STX8: variants seen among roughly 807,000 people sequenced by gnomAD.
The protein encoded by STX8 is syntaxin 8.
STX8 carries 23 observed loss-of-function variants against 37.5 expected under a neutral mutation model. The ratio of observed to expected loss-of-function variants is 0.61; its 90% confidence interval spans 0.44 to 0.87. The LOEUF is 0.87. STX8 is among the 40% of genes least tolerant of loss of function. STX8 has a pLI of 0.00. For synonymous variants in STX8, 115 were observed against 99.1 expected, an observed-to-expected ratio of 1.16 and a Z score of -0.95; for missense variants, 313 against 284.7, an observed-to-expected ratio of 1.10 and a Z score of -0.71.
intron 7 of STX8, among the ~76,000 whole-genome samples, chr17:9,279,715 CCAA>C (rs55722710): frequency 0.18 from 26,910 of 152,116 alleles, 2,822 homozygotes; most frequent in Middle Eastern, 0.27. Context: ...CCTCATGCTG[CCAA>C]CAACAACCCT....
intron 7 of STX8, among the ~76,000 whole-genome samples, chr17:9,289,574 A>G (rs1182821127): frequency 2.0e-5 from 3 of 151,862 alleles, no homozygotes. Context: ...CAAAGGGGAA[A>G]ATCCATCCTG....
At chr17:9,574,800 C>G (rs367800826) in intron 1 of STX8, among the ~76,000 whole-genome samples, 1 of 152,308 alleles carries the variant, frequency 6.6e-6, no homozygotes, top group East Asian at 1.9e-4. Context: ...TCCCAAAGTA[C>G]TGGGATTACA....
chr17:9,479,488 C>G (rs1277005171), intron 6 of STX8, among the ~76,000 whole-genome samples: 2 of 150,934 alleles, frequency 1.3e-5, no homozygotes, highest in Non-Finnish European at 2.9e-5. Flanking sequence ...GAGCTGAGAT[C>G]GTGCCACTGC....
chr17:9,489,876 G>C (rs1324971858), intron 6 of STX8, among the ~76,000 whole-genome samples: 2 of 151,984 alleles, frequency 1.3e-5, no homozygotes, highest in Non-Finnish European at 2.9e-5. Flanking sequence ...CTTTAGTAGA[G>C]ACAGGGTTTC....
chr17:9,315,799 C>T (rs1449181444), intron 7 of STX8, among the ~76,000 whole-genome samples: 1 of 152,052 alleles, frequency 6.6e-6, no homozygotes, highest in Admixed American at 6.6e-5. Flanking sequence ...ACTGCCTGAG[C>T]TCAGGAGTTT....
intron 6 of STX8, among the ~76,000 whole-genome samples, chr17:9,472,621 GGCTT>G (rs1905917885): frequency 6.6e-6 from 1 of 152,176 alleles, no homozygotes. Context: ...CTCTCTTTTT[GGCTT>G]GCTTTTTTGA....
At chr17:9,498,007 A>C (rs1261261489) in intron 5 of STX8, among the ~76,000 whole-genome samples, 1 of 152,246 alleles carries the variant, frequency 6.6e-6, no homozygotes, top group Non-Finnish European at 1.5e-5. Flanking sequence ...TGTGTTGTCC[A>C]GTGCCCACAG....
At chr17:9,519,508 G>A (rs1905263908) in intron 4 of STX8, among the ~76,000 whole-genome samples, 4 of 151,998 alleles carry the variant, frequency 2.6e-5, no homozygotes, top group Admixed American at 2.6e-4. Context: ...TGTACAACAT[G>A]GTTACAGCCT....
chr17:9,491,808 C>T (rs376749085), intron 6 of STX8, 21 bp downstream of exon 6: 6 of 1,592,860 alleles, frequency 3.8e-6, no homozygotes, highest in Non-Finnish European at 5.1e-6. Context: ...CAAATCTGGT[C>T]AATCCCAGAC....
At chr17:9,525,383 G>A (rs1330365177) in intron 4 of STX8, among the ~76,000 whole-genome samples, 4 of 148,092 alleles carry the variant, frequency 2.7e-5, no homozygotes, top group African/African-American at 5.0e-5. Flanking sequence ...GTCTCACTCC[G>A]TTGCCCAGGC....
chr17:9,443,535 C>T (rs1347913696), intron 6 of STX8, among the ~76,000 whole-genome samples: 7 of 152,128 alleles, frequency 4.6e-5, no homozygotes, highest in South Asian at 2.1e-4. Context: ...AGGGCTCCCC[C>T]GAGCCACAGA....
chr17:9,368,886 C>G (rs1448360567), intron 7 of STX8, among the ~76,000 whole-genome samples: 4 of 151,776 alleles, frequency 2.6e-5, no homozygotes, highest in Non-Finnish European at 5.9e-5. Context: ...TGTGTCCCCT[C>G]TCTCCTATAC....
intron 3 of STX8, among the ~76,000 whole-genome samples, chr17:9,552,427 A>C (rs1480166517): frequency 6.6e-6 from 1 of 152,198 alleles, no homozygotes; most frequent in Non-Finnish European, 1.5e-5. Flanking sequence ...CATGTTACCA[A>C]GTATCAGTGA....
At chr17:9,263,553 G>A (rs1201401473) in intron 7 of STX8, among the ~76,000 whole-genome samples, 1 of 152,142 alleles carries the variant, frequency 6.6e-6, no homozygotes, top group Non-Finnish European at 1.5e-5. Flanking sequence ...GTCTTTCACA[G>A]AGACCTACCT....
intron 7 of STX8, among the ~76,000 whole-genome samples, chr17:9,312,243 C>G (rs1909217336): frequency 6.6e-6 from 1 of 150,684 alleles, no homozygotes; most frequent in African/African-American, 2.4e-5. Flanking sequence ...TTCTTGTTGT[C>G]CAGGCTGGAG....
At chr17:9,548,503 G>A (rs552865852) in intron 3 of STX8, 29 of 152,292 alleles carry the variant, frequency 1.9e-4, no homozygotes, top group African/African-American at 7.0e-4. Context: ...TCTTTCAACA[G>A]ACATTTCTTC....
intron 4 of STX8, among the ~76,000 whole-genome samples, chr17:9,520,527 A>C (rs993110675): frequency 6.6e-6 from 1 of 152,246 alleles, no homozygotes; most frequent in African/African-American, 2.4e-5. Context: ...TTTTCAAATA[A>C]ATGAAACTTA....
chr17:9,450,265 G>A (rs1054623897), intron 6 of STX8, among the ~76,000 whole-genome samples: 1 of 150,976 alleles, frequency 6.6e-6, no homozygotes, highest in Admixed American at 6.6e-5. Context: ...TAGTAGAGAT[G>A]GGGTTTCACC....
intron 6 of STX8, among the ~76,000 whole-genome samples, chr17:9,406,418 T>G (rs1912806096): frequency 6.6e-6 from 1 of 152,210 alleles, no homozygotes; most frequent in Non-Finnish European, 1.5e-5. Context: ...AGCAGCATTT[T>G]AAGTGGATAC....
Sources: gnomAD v4.1 joint callset for allele counts (sites outside exome capture counted in the v4.1 genomes callset) on GRCh38, gnomAD v4.1.1 for gene constraint, MANE v1.5 for transcripts, NCBI Gene and HGNC (gene_info 2026-07-23, HGNC 2026-07-21) for gene names.